Variants in RP1 observed in about 807,000 individuals in gnomAD.
RP1 encodes oxygen-regulated protein 1.
A neutral mutation model predicts 14.8 loss-of-function variants in RP1; 16 were observed. The observed-to-expected ratio is 1.08, with a 90% CI of 0.73 to 1.65. RP1 has a LOEUF of 1.65. RP1 is among the 40% of genes most tolerant of loss of function. The pLI is 0.00. For missense variants in RP1, 2,631 were observed against 2,535.0 expected (o/e 1.04, Z -0.81); for synonymous variants, 876 against 883.6 (o/e 0.99, Z 0.15).
chr8:54,789,448 G>A (rs1336642801), intron 24 of RP1, among the ~76,000 whole-genome samples: 1 of 152,096 alleles, frequency 6.6e-6, no homozygotes, highest in African/African-American at 2.4e-5. Context: ...CAAAGACTCT[G>A]CCATGACATA....
chr8:54,676,997 T>C (rs1392037639), intron 8 of RP1, among the ~76,000 whole-genome samples: 1 of 151,992 alleles, frequency 6.6e-6, no homozygotes, highest in African/African-American at 2.4e-5. Context: ...ATTATGTATG[T>C]GAATCATCTG....
At chr8:54,865,963 A>G (rs774698579) in intron 28 of RP1, 9 of 827,372 alleles carry the variant, frequency 1.1e-5, no homozygotes, top group Non-Finnish European at 1.3e-5. Context: ...CTCTTTGTCC[A>G]ATTTATTCCA....
intron 12 of RP1, among the ~76,000 whole-genome samples, chr8:54,691,759 G>A (rs920142722): frequency 7.9e-5 from 12 of 151,662 alleles, no homozygotes; most frequent in Non-Finnish European, 1.8e-4. Flanking sequence ...ATTAATAGGG[G>A]AAAAAGCATA....
At chr8:54,729,999 T>C (rs1268881958) in intron 17 of RP1, among the ~76,000 whole-genome samples, 2 of 152,030 alleles carry the variant, frequency 1.3e-5, no homozygotes, top group Admixed American at 1.3e-4. Context: ...GCTTGTGCTG[T>C]TGTAAATTAT....
intron 23 of RP1, among the ~76,000 whole-genome samples, chr8:54,778,607 G>A (rs1310622857): frequency 6.6e-6 from 1 of 152,160 alleles, no homozygotes; most frequent in African/African-American, 2.4e-5. Context: ...ACAGGCATGA[G>A]CCACAATGCC....
intron 1 of RP1, among the ~76,000 whole-genome samples, chr8:54,589,358 A>G (rs1804995692): frequency 6.6e-6 from 1 of 152,146 alleles, no homozygotes; most frequent in Non-Finnish European, 1.5e-5. Flanking sequence ...AAGGATTGAT[A>G]CATTTTTTTT....
At chr8:54,578,279 T>C (rs1363058935) in intron 1 of RP1, among the ~76,000 whole-genome samples, 1 of 152,228 alleles carries the variant, frequency 6.6e-6, no homozygotes, top group Admixed American at 6.5e-5. Context: ...CAATCATAGC[T>C]TATTGCAGCC....
At chr8:54,668,420 G>A (rs1807067061) in intron 7 of RP1, among the ~76,000 whole-genome samples, 1 of 152,094 alleles carries the variant, frequency 6.6e-6, no homozygotes, top group Non-Finnish European at 1.5e-5. Context: ...TGGATAGGAA[G>A]AATCAATATC....
At chr8:54,856,136 C>T (rs534480483) in intron 26 of RP1, among the ~76,000 whole-genome samples, 1 of 152,128 alleles carries the variant, frequency 6.6e-6, no homozygotes, top group Admixed American at 6.5e-5. Flanking sequence ...ATGAACAAGA[C>T]GCTGCTGAGC....
intron 1 of RP1, among the ~76,000 whole-genome samples, chr8:54,579,495 T>C (rs1379699619): frequency 1.3e-5 from 2 of 152,128 alleles, no homozygotes; most frequent in African/African-American, 4.8e-5. Flanking sequence ...CCCCAGTAGA[T>C]GGGGCATTTG....
chr8:54,746,473 T>C (rs59658406), intron 19 of RP1, among the ~76,000 whole-genome samples: 6 of 152,316 alleles, frequency 3.9e-5, no homozygotes, highest in African/African-American at 1.4e-4. Flanking sequence ...CAAAACACTG[T>C]TGTAGAATAT....
At chr8:54,679,971 T>C (rs888338572) in intron 12 of RP1, 1 of 1,511,982 alleles carries the variant, frequency 6.6e-7, no homozygotes, top group Non-Finnish European at 8.8e-7. Flanking sequence ...GCTGGACAGG[T>C]CTGGGAGTTA....
intron 8 of RP1, among the ~76,000 whole-genome samples, chr8:54,676,009 C>T (rs779201550): frequency 1.8e-4 from 27 of 152,084 alleles, no homozygotes; most frequent in South Asian, 6.2e-4. Flanking sequence ...AAAAAGGCCT[C>T]GCTAGTTCCC....
intron 7 of RP1, among the ~76,000 whole-genome samples, chr8:54,668,390 G>A (rs1010321057): frequency 6.6e-6 from 1 of 152,128 alleles, no homozygotes; most frequent in Non-Finnish European, 1.5e-5. Flanking sequence ...ACAAACAAAT[G>A]GAAGAACATT....
At chr8:54,605,849 C>G (rs942261502) in intron 1 of RP1, among the ~76,000 whole-genome samples, 1 of 152,060 alleles carries the variant, frequency 6.6e-6, no homozygotes, top group Non-Finnish European at 1.5e-5. Flanking sequence ...TTATCCGAGA[C>G]TAGGATTGCA....
chr8:54,843,377 C>A (rs535128441), intron 25 of RP1, among the ~76,000 whole-genome samples: 1 of 152,094 alleles, frequency 6.6e-6, no homozygotes, highest in Non-Finnish European at 1.5e-5. Flanking sequence ...CCATGGTGCC[C>A]GGCCCAGAGG....
chr8:54,615,529 G>A (rs1230997917), upstream of RP1, among the ~76,000 whole-genome samples: 1 of 152,202 alleles, frequency 6.6e-6, no homozygotes, highest in African/African-American at 2.4e-5. Flanking sequence ...AGTAAGGGAA[G>A]CAGTGGAAGC....
intron 27 of RP1, among the ~76,000 whole-genome samples, chr8:54,857,812 C>A (rs1269336525): frequency 6.6e-6 from 1 of 152,110 alleles, no homozygotes; most frequent in Non-Finnish European, 1.5e-5. Flanking sequence ...ATGTCTTCTC[C>A]CCAGGCACAG....
chr8:54,568,695 C>T (rs967966967), intron 1 of RP1, among the ~76,000 whole-genome samples: 1 of 152,176 alleles, frequency 6.6e-6, no homozygotes, highest in Non-Finnish European at 1.5e-5. Context: ...CTTTCAAGTT[C>T]CCTAGTATGT....
Sources: allele counts gnomAD v4.1 joint callset (sites outside exome capture counted in the v4.1 genomes callset), GRCh38; gene constraint gnomAD v4.1.1; transcripts MANE v1.5; gene names NCBI Gene and HGNC (gene_info 2026-07-23, HGNC 2026-07-21).